Variants in CSMD1 observed in about 807,000 individuals in gnomAD.
CSMD1 encodes the protein CUB and Sushi multiple domains 1, also known as CUB and sushi domain-containing protein 1.
Under a neutral mutation model 417.5 loss-of-function variants are expected in CSMD1, and 213 were observed. That is an observed-to-expected ratio of 0.51 (90% confidence interval 0.46 to 0.57). The LOEUF (loss-of-function observed/expected upper bound fraction) is 0.57, where lower values mean the gene tolerates loss of function less well. CSMD1 is among the 20% of genes least tolerant of loss of function. The pLI is 0.00. For missense variants in CSMD1, 6,923 were observed against 4,529.7 expected (o/e 1.53, Z -15.17); for synonymous variants, 2,862 against 1,736.8 (o/e 1.65, Z -16.11).
At chr8:3,138,741 G>A (rs1680214499) in intron 41 of CSMD1, among the ~76,000 whole-genome samples, 1 of 152,190 alleles carries the variant, frequency 6.6e-6, no homozygotes, top group Non-Finnish European at 1.5e-5. Context: ...ATATTTCAGA[G>A]GGGCAAGTGA....
chr8:3,977,993 G>C (rs982152725), intron 5 of CSMD1, among the ~76,000 whole-genome samples: 16 of 152,190 alleles, frequency 1.1e-4, no homozygotes, highest in Non-Finnish European at 2.1e-4. Context: ...TACCATGAGA[G>C]CATCTCATAG....
At chr8:3,757,228 T>G (rs1296845146) in intron 5 of CSMD1, among the ~76,000 whole-genome samples, 1 of 152,112 alleles carries the variant, frequency 6.6e-6, no homozygotes, top group Non-Finnish European at 1.5e-5. Context: ...CTCAGAACAA[T>G]GATAGTTTTG....
chr8:4,647,844 C>T (rs1390041650), intron 1 of CSMD1, among the ~76,000 whole-genome samples: 1 of 152,112 alleles, frequency 6.6e-6, no homozygotes, highest in Non-Finnish European at 1.5e-5. Flanking sequence ...GGTTCCAAGT[C>T]TTTGCTATTG....
At chr8:3,643,037 G>T (rs1367260582) in intron 7 of CSMD1, among the ~76,000 whole-genome samples, 2 of 152,130 alleles carry the variant, frequency 1.3e-5, no homozygotes, top group East Asian at 1.9e-4. Context: ...GCACAGAGGA[G>T]GAAAAAATCC....
intron 7 of CSMD1, among the ~76,000 whole-genome samples, chr8:3,664,856 C>T (rs1798602842): frequency 6.6e-6 from 1 of 152,140 alleles, no homozygotes; most frequent in African/African-American, 2.4e-5. Context: ...AGCCAGACAT[C>T]ATAAACAATT....
At chr8:4,198,839 G>A (rs1293690137) in intron 3 of CSMD1, among the ~76,000 whole-genome samples, 2 of 151,870 alleles carry the variant, frequency 1.3e-5, no homozygotes, top group African/African-American at 4.8e-5. Flanking sequence ...TACCATCTCA[G>A]GAGAGACAGC....
intron 2 of CSMD1, among the ~76,000 whole-genome samples, chr8:4,458,260 C>A (rs75539606): frequency 6.6e-6 from 1 of 151,714 alleles, no homozygotes; most frequent in Non-Finnish European, 1.5e-5. Flanking sequence ...GCAGAGTAAC[C>A]ACAAAAAATG....
At chr8:3,623,508 A>G (rs17066620) in intron 7 of CSMD1, among the ~76,000 whole-genome samples, 4,637 of 152,362 alleles carry the variant, frequency 0.03, 253 homozygotes, top group African/African-American at 0.11. Context: ...AGAATTAATT[A>G]CAAATGAAGC....
intron 23 of CSMD1, among the ~76,000 whole-genome samples, chr8:3,320,841 C>T (rs1806106161): frequency 6.6e-6 from 1 of 152,212 alleles, no homozygotes; most frequent in Non-Finnish European, 1.5e-5. Flanking sequence ...GGTCATCCTG[C>T]CTATGGGGAT....
intron 1 of CSMD1, among the ~76,000 whole-genome samples, chr8:4,850,777 T>C (rs1801427977): frequency 6.6e-6 from 1 of 152,172 alleles, no homozygotes; most frequent in East Asian, 1.9e-4. Context: ...CCAAACCTAG[T>C]GGCTTGCCTA....
intron 10 of CSMD1, among the ~76,000 whole-genome samples, chr8:3,540,003 C>G (rs1159185235): frequency 6.6e-6 from 1 of 152,122 alleles, no homozygotes; most frequent in Non-Finnish European, 1.5e-5. Flanking sequence ...ATTTGCATCT[C>G]CAGTAAAACA....
At chr8:4,469,931 G>C (rs1447400215) in intron 2 of CSMD1, among the ~76,000 whole-genome samples, 1 of 148,970 alleles carries the variant, frequency 6.7e-6, no homozygotes, top group Non-Finnish European at 1.5e-5. Flanking sequence ...GCAGTGGTGT[G>C]ATCTCGGCTC....
rs115172811 is a variant in CSMD1, at chr8:3,821,353, C to A, written c.819-67311G>T. Among the ~76,000 whole-genome samples, 716 of 152,284 alleles carry A rather than the reference C, an allele frequency of 4.7e-3. 4 individuals are homozygous for A. The highest frequency in any genetic ancestry group is 0.017 in the African/African-American group (691 of 41,554). On this transcript the variant is annotated intron_variant, in intron 5 of 69. Coordinates refer to ENST00000635120, the MANE Select transcript of CSMD1 (RefSeq NM_033225.6). ...CTGTACATAAGTAGATGCATGAGACCCGTCTAAGACTGGCAGCGCAGGTTT... is the reference window on the plus strand; with the variant it reads ...CTGTACATAAGTAGATGCATGAGACACGTCTAAGACTGGCAGCGCAGGTTT...
At chr8:3,754,927 G>T (rs749989845) in intron 5 of CSMD1, among the ~76,000 whole-genome samples, 1 of 151,748 alleles carries the variant, frequency 6.6e-6, no homozygotes, top group Admixed American at 6.6e-5. Context: ...CTGCAAAAGA[G>T]ATTTGAAATG....
chr8:2,943,154 A>G (rs1001327644), intron 68 of CSMD1, among the ~76,000 whole-genome samples: 4 of 152,192 alleles, frequency 2.6e-5, no homozygotes, highest in African/African-American at 9.6e-5. Flanking sequence ...TTATAGTTCA[A>G]TGTCACAATG....
At chr8:3,524,594 C>T (rs1797676640) in intron 10 of CSMD1, among the ~76,000 whole-genome samples, 1 of 151,534 alleles carries the variant, frequency 6.6e-6, no homozygotes, top group Non-Finnish European at 1.5e-5. Flanking sequence ...CACACAAGGA[C>T]ACACATCCAC....
chr8:3,048,970 C>G (rs1442780637), intron 50 of CSMD1, among the ~76,000 whole-genome samples: 1 of 151,194 alleles, frequency 6.6e-6, no homozygotes, highest in Non-Finnish European at 1.5e-5. Flanking sequence ...GGCAACTGAG[C>G]ATATGAAAAG....
At chr8:4,846,731 T>A (rs1173661351) in intron 1 of CSMD1, among the ~76,000 whole-genome samples, 1 of 152,228 alleles carries the variant, frequency 6.6e-6, no homozygotes, top group East Asian at 1.9e-4. Context: ...TTGTTCTGAT[T>A]CTTAATCTTG....
chr8:4,874,644 G>A (rs1330725963), intron 1 of CSMD1, among the ~76,000 whole-genome samples: 1 of 151,762 alleles, frequency 6.6e-6, no homozygotes, highest in Non-Finnish European at 1.5e-5. Flanking sequence ...ACCCACCTTG[G>A]CCTCCCAGAG....
Sources: allele counts gnomAD v4.1 joint callset (sites outside exome capture counted in the v4.1 genomes callset), GRCh38; gene constraint gnomAD v4.1.1; transcripts MANE v1.5; gene names NCBI Gene and HGNC (gene_info 2026-07-23, HGNC 2026-07-21).